Variants in TIAM1 observed in about 807,000 individuals in gnomAD.
TIAM1 encodes the protein TIAM Rac1 associated GEF 1.
A neutral mutation model predicts 163.5 loss-of-function variants in TIAM1; 65 were observed. The ratio of observed to expected loss-of-function variants is 0.40; its 90% CI spans 0.33 to 0.49. The LOEUF (loss-of-function observed/expected upper bound fraction) is 0.49, where lower values mean the gene tolerates loss of function less well. Among genes scored for constraint, TIAM1 ranks in the 20% least tolerant of loss-of-function variants. The pLI is 0.77. For missense variants in TIAM1, 1,789 were observed against 2,044.7 expected (o/e 0.87, Z 2.41); for synonymous variants, 833 against 810.1 (o/e 1.03, Z -0.48).
chr21:31,441,215 C>T (rs2044406723), intron 2 of TIAM1, among the ~76,000 whole-genome samples: 1 of 152,204 alleles, frequency 6.6e-6, no homozygotes, highest in African/African-American at 2.4e-5. Flanking sequence ...CACAGCACAA[C>T]AGAATCATGG....
intron 1 of TIAM1, among the ~76,000 whole-genome samples, chr21:31,557,974 G>C (rs1001169721): frequency 3.9e-5 from 6 of 152,102 alleles, no homozygotes; most frequent in African/African-American, 1.2e-4. Flanking sequence ...GCGCCGAGAC[G>C]GCATCTTTCC....
intron 2 of TIAM1, among the ~76,000 whole-genome samples, chr21:31,390,257 C>T (rs539361941): frequency 2.8e-4 from 43 of 152,138 alleles, no homozygotes; most frequent in Non-Finnish European, 2.9e-4. Context: ...AACAGAACCT[C>T]AGGACTCCAA....
intron 2 of TIAM1, among the ~76,000 whole-genome samples, chr21:31,311,659 C>T (rs150693545): frequency 3.4e-4 from 52 of 152,284 alleles, no homozygotes; most frequent in African/African-American, 1.2e-3. Flanking sequence ...GTCTCTAGTA[C>T]CCACTTCTTC....
chr21:31,415,649 T>C (rs2043346831), intron 2 of TIAM1, among the ~76,000 whole-genome samples: 1 of 152,252 alleles, frequency 6.6e-6, no homozygotes, highest in African/African-American at 2.4e-5. Context: ...ATGGTAGGAT[T>C]GTTGTGGCCT....
chr21:31,258,908 A>C (rs2072283045), intron 4 of TIAM1, among the ~76,000 whole-genome samples: 1 of 152,052 alleles, frequency 6.6e-6, no homozygotes, highest in Non-Finnish European at 1.5e-5. Context: ...ACTGGGCCCA[A>C]ATGACAATGT....
intron 6 of TIAM1, among the ~76,000 whole-genome samples, chr21:31,229,113 A>T (rs2088240559): frequency 6.6e-6 from 1 of 152,200 alleles, no homozygotes; most frequent in African/African-American, 2.4e-5. Flanking sequence ...ATCAACACAG[A>T]TAAACTAATA....
intron 8 of TIAM1, among the ~76,000 whole-genome samples, chr21:31,222,851 G>A (rs2087700808): frequency 6.7e-6 from 1 of 150,242 alleles, no homozygotes; most frequent in African/African-American, 2.4e-5. Flanking sequence ...CTGAGTAGCT[G>A]GGATTACAGG....
intron 2 of TIAM1, among the ~76,000 whole-genome samples, chr21:31,301,458 A>T (rs2074495620): frequency 6.6e-6 from 1 of 152,216 alleles, no homozygotes; most frequent in Admixed American, 6.5e-5. Context: ...CATTCTAGGT[A>T]AATTAATCAA....
At chr21:31,220,543 C>G (rs932552738) in intron 8 of TIAM1, among the ~76,000 whole-genome samples, 1 of 152,160 alleles carries the variant, frequency 6.6e-6, no homozygotes, top group Non-Finnish European at 1.5e-5. Context: ...TTTACAATTT[C>G]CAGACAAAGA....
intron 1 of TIAM1, among the ~76,000 whole-genome samples, chr21:31,508,482 G>A (rs909539355): frequency 6.7e-6 from 1 of 150,222 alleles, no homozygotes; most frequent in African/African-American, 2.5e-5. Context: ...TCCGCCTCCC[G>A]GGTTCAAGCG....
chr21:31,458,182 G>T (rs534010438), intron 2 of TIAM1, among the ~76,000 whole-genome samples: 4 of 152,302 alleles, frequency 2.6e-5, no homozygotes, highest in East Asian at 3.9e-4. Context: ...CACTTTGGGA[G>T]GCCAAGGTGG....
intron 6 of TIAM1, among the ~76,000 whole-genome samples, chr21:31,239,274 C>T (rs2071045881): frequency 6.6e-6 from 1 of 152,052 alleles, no homozygotes; most frequent in South Asian, 2.1e-4. Context: ...AGGTACATGC[C>T]ATCGTGTCCA....
At chr21:31,456,776 A>G (rs1458757441) in intron 2 of TIAM1, among the ~76,000 whole-genome samples, 1 of 152,086 alleles carries the variant, frequency 6.6e-6, no homozygotes, top group Non-Finnish European at 1.5e-5. Flanking sequence ...ATACCTCAAC[A>G]CTTATTTCTA....
At chr21:31,505,503 G>A (rs932745215) in intron 1 of TIAM1, among the ~76,000 whole-genome samples, 1 of 152,112 alleles carries the variant, frequency 6.6e-6, no homozygotes, top group Admixed American at 6.6e-5. Context: ...GGGAATTCTT[G>A]ACCAAAAAGA....
At chr21:31,463,496 A>T (rs1364406256) in intron 2 of TIAM1, among the ~76,000 whole-genome samples, 2 of 152,030 alleles carry the variant, frequency 1.3e-5, no homozygotes, top group Non-Finnish European at 2.9e-5. Context: ...CTCTTGCCTC[A>T]CTTCCAACAG....
chr21:31,242,030 T>C (rs1019417572), intron 6 of TIAM1, among the ~76,000 whole-genome samples: 1 of 152,002 alleles, frequency 6.6e-6, no homozygotes, highest in Non-Finnish European at 1.5e-5. Flanking sequence ...AAATAAAGTA[T>C]GGCCCATATA....
intron 2 of TIAM1, among the ~76,000 whole-genome samples, chr21:31,415,737 T>A (rs888527264): frequency 2.2e-4 from 33 of 152,202 alleles, no homozygotes; most frequent in African/African-American, 7.2e-4. Context: ...TGACTCCGTT[T>A]TACTGGTCAG....
At chr21:31,229,641 C>A (rs1027065304) in intron 6 of TIAM1, among the ~76,000 whole-genome samples, 1 of 149,842 alleles carries the variant, frequency 6.7e-6, no homozygotes, top group Non-Finnish European at 1.5e-5. Context: ...TAGGGGAGTT[C>A]GTGTCTTCAC....
At chr21:31,454,083 T>TA (rs2044991970) in intron 2 of TIAM1, among the ~76,000 whole-genome samples, 1 of 152,246 alleles carries the variant, frequency 6.6e-6, no homozygotes, top group African/African-American at 2.4e-5. Context: ...TGAGCTGCTG[T>TA]ACTTTTATCC....
Sources: allele counts gnomAD v4.1 joint callset (sites outside exome capture counted in the v4.1 genomes callset), GRCh38; gene constraint gnomAD v4.1.1; transcripts MANE v1.5; gene names NCBI Gene and HGNC (gene_info 2026-07-23, HGNC 2026-07-21).